Variants in GP6 observed in about 807,000 individuals in gnomAD.
GP6 encodes glycoprotein VI platelet.
Under a neutral mutation model 37.3 loss-of-function variants are expected in GP6, and 45 were observed. The ratio of observed to expected loss-of-function variants is 1.21; its 90% CI spans 0.95 to 1.55. The LOEUF (loss-of-function observed/expected upper bound fraction) is 1.55, where lower values mean the gene tolerates loss of function less well. Among genes scored for constraint, GP6 ranks in the 40% most tolerant of loss-of-function variants. The pLI is 0.00. For missense variants in GP6, 813 were observed against 760.2 expected (o/e 1.07, Z -0.82); for synonymous variants, 340 against 316.4 (o/e 1.07, Z -0.79).
chr19:55,038,065 C>T (rs1392635304), intron 1 of GP6, 138 bp downstream of exon 1: 2 of 750,230 alleles, frequency 2.7e-6, no homozygotes, highest in Non-Finnish European at 2.4e-6. Context: ...CCCGTTTCCC[C>T]ACCCAACAAA....
chr19:55,021,922 T>C (rs983617902), intron 5 of GP6, among the ~76,000 whole-genome samples: 1 of 152,210 alleles, frequency 6.6e-6, no homozygotes, highest in Non-Finnish European at 1.5e-5. Flanking sequence ...TGAGCTTTTT[T>C]TTGTATGTTT....
rs545037745 is a variant in GP6, at chr19:55,021,488, C to T, written c.665-2777G>A. 7.9e-5 allele frequency among the ~76,000 whole-genome samples: 12 copies of T among 151,242 alleles called. No individual in the cohort carries two copies. The South Asian group carries it at 1.5e-3, about 18-fold the overall frequency. ...AAGCATTCCTATTTCTCCACAGCCTCGCCAGCACCTGTTGTTTCTTGACTT... is the reference window on the plus strand; with the variant it reads ...AAGCATTCCTATTTCTCCACAGCCTTGCCAGCACCTGTTGTTTCTTGACTT... On this transcript the variant is annotated intron_variant, in intron 5 of 7. Coordinates refer to ENST00000310373, the MANE Select transcript of GP6 (RefSeq NM_001083899.2).
chr19:55,027,707 A>G lies in GP6; in HGVS notation c.481T>C (p.Tyr161His), dbSNP rs2074362397. 3.1e-6 allele frequency: 5 copies of G among 1,613,308 alleles called. No homozygotes were observed. Among genetic ancestry groups the G allele is most frequent in the Admixed American group, 3.3e-5 (2 of 60,000 alleles). Residue 161 changes from tyrosine to histidine, a missense_variant, in exon 4 of 8, where the codon TAC becomes CAC. Tyr to His is a moderately conservative substitution (Grantham distance 83). Coordinates refer to ENST00000310373, the MANE Select transcript of GP6 (RefSeq NM_001083899.2). ...GTGATGATGGGAAAACTAGCCCTGT[A>G]CCATCTCTCGGGATTCTTGTAGGGC...
chr19:55,035,721 A>G (rs1044570431), intron 1 of GP6, among the ~76,000 whole-genome samples: 6 of 151,916 alleles, frequency 3.9e-5, no homozygotes, highest in Non-Finnish European at 8.8e-5. Context: ...CATGTCAAAA[A>G]ATAAAAATAA....
chr19:55,032,560 CA>C, intron 1 of GP6, 22 bp from the exon 2 acceptor site: 1 of 1,613,330 alleles, frequency 6.2e-7, no homozygotes, highest in Non-Finnish European at 8.5e-7. Context: ...AGAAAGGGAC[CA>C]GATGCCAGGA....
intron 3 of GP6, among the ~76,000 whole-genome samples, chr19:55,030,109 T>A (rs2074503941): frequency 6.6e-6 from 1 of 152,232 alleles, no homozygotes; most frequent in Non-Finnish European, 1.5e-5. Context: ...TTTATTCCCC[T>A]GAAAGATTTA....
In GP6 at chr19:55,036,928, T is replaced by C. The variant is rs367717878; in HGVS notation, c.34+1275A>G. On this transcript the variant is annotated intron_variant, in intron 1 of 7. Coordinates refer to ENST00000310373, the MANE Select transcript of GP6 (RefSeq NM_001083899.2). ...CGGGAGGCTGAGGCAGGAGAATCAC[T>C]TGGACCCGGGAGGCAGAGTTTGCAG... 1.4e-4 allele frequency among the ~76,000 whole-genome samples: 22 copies of C among 152,234 alleles called. No homozygotes were observed. In the East Asian group the frequency reaches 4.2e-3, roughly 29 times the overall value.
At chr19:55,030,206 G>A (rs993399346) in intron 3 of GP6, among the ~76,000 whole-genome samples, 5 of 152,112 alleles carry the variant, frequency 3.3e-5, no homozygotes, top group Non-Finnish European at 7.4e-5. Flanking sequence ...CCATTTAAAA[G>A]TGCACTAACT....
At chr19:55,031,152 G>A (rs926197823) in intron 3 of GP6, among the ~76,000 whole-genome samples, 27 of 152,176 alleles carry the variant, frequency 1.8e-4, no homozygotes, top group African/African-American at 7.2e-5. Flanking sequence ...CCAGTGCTAC[G>A]TTTATTTTTT....
At chr19:55,032,722 A>G in intron 1 of GP6, 184 bp from the exon 2 acceptor site, 1 of 706,332 alleles carries the variant, frequency 1.4e-6, no homozygotes. Context: ...ATAGTTTATG[A>G]GGTCATTTAC....
intron 5 of GP6, among the ~76,000 whole-genome samples, chr19:55,022,863 C>T (rs1335219133): frequency 1.3e-5 from 2 of 152,116 alleles, no homozygotes; most frequent in African/African-American, 4.8e-5. Flanking sequence ...TCAGAGCGGA[C>T]ACAAACAAAT....
At chr19:55,022,192 C>T (rs182924188) in intron 5 of GP6, among the ~76,000 whole-genome samples, 164 of 152,254 alleles carry the variant, frequency 1.1e-3, no homozygotes, top group Admixed American at 2.7e-3. Context: ...GTTACAATTG[C>T]TTTTGACGTT....
At chr19:55,015,792 G>A (rs764587013) in intron 6 of GP6, 59 bp from the exon 7 acceptor site, 3 of 893,804 alleles carry the variant, frequency 3.4e-6, no homozygotes, top group African/African-American at 1.6e-5. Flanking sequence ...CCCTGTCACT[G>A]TGCCTACTCC....
intron 5 of GP6, among the ~76,000 whole-genome samples, chr19:55,021,374 A>G (rs1242246353): frequency 2.0e-5 from 3 of 151,810 alleles, no homozygotes; most frequent in Non-Finnish European, 4.4e-5. Context: ...AAAAAAAAAA[A>G]AAAGGAAAAA....
chr19:55,029,854 A>ATG (rs1568630779), intron 3 of GP6, among the ~76,000 whole-genome samples: 1 of 151,534 alleles, frequency 6.6e-6, no homozygotes, highest in African/African-American at 2.4e-5. Context: ...AGGCTGGTCC[A>ATG]TTCTAGTAGC....
chr19:55,029,272 T>C (rs986139680), intron 3 of GP6, among the ~76,000 whole-genome samples: 4 of 143,990 alleles, frequency 2.8e-5, no homozygotes, highest in African/African-American at 1.0e-4. Context: ...TGTTTTGTTT[T>C]GAGACGGAGT....
At chr19:55,024,299 T>TGCAC (rs2074200182) in intron 5 of GP6, among the ~76,000 whole-genome samples, 3 of 43,256 alleles carry the variant, frequency 6.9e-5, no homozygotes, top group East Asian at 1.6e-3. Context: ...TATGCACGCA[T>TGCAC]GCACACACAT....
At chr19:55,037,027 A>T (rs1170879486) in intron 1 of GP6, among the ~76,000 whole-genome samples, 1 of 152,160 alleles carries the variant, frequency 6.6e-6, no homozygotes, top group East Asian at 1.9e-4. Context: ...AAAACAAACA[A>T]AAAGAAAAAA....
In GP6 at chr19:55,014,141, T is replaced by C; in HGVS notation, c.1804A>G (p.Thr602Ala). Reference sequence around the variant, plus strand: ...TTTTTTGAGACAAAGTCAGGCTTCGTCACCCGAGCTAGAGTGCAGTGGTGT... The same window carrying C: ...TTTTTTGAGACAAAGTCAGGCTTCGCCACCCGAGCTAGAGTGCAGTGGTGT... The change falls in exon 8 of 8, where the codon ACG (threonine) becomes GCG (alanine). Residue 602 changes from threonine (T) to alanine (A), a missense_variant. Thr to Ala is a moderately conservative substitution (Grantham distance 58). Coordinates refer to ENST00000310373, the MANE Select transcript of GP6 (RefSeq NM_001083899.2). 1 of 696,250 alleles carries C rather than the reference T, an allele frequency of 1.4e-6. No individual in the cohort carries two copies. The highest frequency in any genetic ancestry group is 2.6e-6 in the Non-Finnish European group (1 of 381,106). 43.1% of individuals were successfully genotyped at this position (696,250 alleles called of 1,614,324 possible).
Sources: gnomAD v4.1 joint callset for allele counts (sites outside exome capture counted in the v4.1 genomes callset) on GRCh38, gnomAD v4.1.1 for gene constraint, MANE v1.5 for transcripts, NCBI Gene and HGNC (gene_info 2026-07-23, HGNC 2026-07-21) for gene names.